Variants in MYH11 observed in about 807,000 individuals in gnomAD.
MYH11 encodes myosin-11.
A neutral mutation model predicts 246.6 loss-of-function variants in MYH11; 80 were observed. The ratio of observed to expected loss-of-function variants is 0.32; its 90% CI spans 0.27 to 0.39. The LOEUF (loss-of-function observed/expected upper bound fraction) is 0.39, where lower values mean the gene tolerates loss of function less well. Among genes scored for constraint, MYH11 ranks in the 10% least tolerant of loss-of-function variants. The pLI is 1.00. For missense variants in MYH11, 2,158 were observed against 2,546.8 expected, an observed-to-expected ratio of 0.85 and a Z score of 3.29; for synonymous variants, 1,071 against 1,015.5, an observed-to-expected ratio of 1.05 and a Z score of -1.04.
intron 40 of MYH11, among the ~76,000 whole-genome samples, chr16:15,712,064 A>C (rs899057672): frequency 6.6e-6 from 1 of 152,050 alleles, no homozygotes; most frequent in East Asian, 1.9e-4. Context: ...GGAGACCAAA[A>C]CGTTAAGAAG....
rs761570770 is a variant in MYH11 at position 15,724,192 on chromosome 16, T to C, written c.4334A>G (p.Asn1445Ser). The change falls in exon 31 of 41, where the codon AAC (asparagine) becomes AGC (serine). Residue 1445 changes from asparagine (N) to serine (S), a missense_variant. Asn to Ser is a conservative substitution (Grantham distance 46). Coordinates refer to ENST00000300036, the MANE Select transcript of MYH11 (RefSeq NM_002474.3). ...AAATTTCCTCTGCTTCTTTTCCAGG[T>C]TGGACACGAGTTGCCGCTGGTTGTC... Reference protein sequence around the residue: ...DLDNQRQLVSNLEKKQRKFDQ... With the variant: ...DLDNQRQLVSSLEKKQRKFDQ... 1.2e-6 allele frequency: 2 copies of C among 1,614,016 alleles called. No individual in the cohort carries two copies. The highest frequency in any genetic ancestry group is 2.2e-5 in the East Asian group (1 of 44,884).
intron 9 of MYH11, among the ~76,000 whole-genome samples, chr16:15,766,083 G>C (rs1192599781): frequency 6.6e-6 from 1 of 152,080 alleles, no homozygotes. Context: ...TGACAGAGTT[G>C]TGACAACCAC....
At chr16:15,741,728 C>A in intron 21 of MYH11, 32 bp downstream of exon 21, 1 of 1,614,138 alleles carries the variant, frequency 6.2e-7, no homozygotes, top group Non-Finnish European at 8.5e-7. Context: ...TCCTGTTCCC[C>A]AGCAACCCCA....
intron 40 of MYH11, among the ~76,000 whole-genome samples, chr16:15,706,943 G>T (rs140581285): frequency 0.025 from 3,850 of 152,252 alleles, 72 homozygotes; most frequent in Non-Finnish European, 0.041. Flanking sequence ...TCTTGGAACT[G>T]GTTTCAAATC....
At chr16:15,786,069 G>T (rs1394972772) in intron 5 of MYH11, 1 of 260,492 alleles carries the variant, frequency 3.8e-6, no homozygotes, top group Non-Finnish European at 7.5e-6. Context: ...GGGACAGGGG[G>T]ACACGTGGAG....
At chr16:15,725,153 A>C (rs1596733637) in intron 28 of MYH11, 161 bp from the exon 29 acceptor site, 1 of 648,730 alleles carries the variant, frequency 1.5e-6, no homozygotes, top group Non-Finnish European at 2.7e-6. Context: ...AAAAAAACAC[A>C]CACACACACA....
At chr16:15,766,408 A>G (rs2041985356) in intron 9 of MYH11, among the ~76,000 whole-genome samples, 1 of 147,302 alleles carries the variant, frequency 6.8e-6, no homozygotes, top group African/African-American at 2.5e-5. Context: ...TCTTGCTGTC[A>G]CCCAGGTTGG....
chr16:15,827,826 G>A (rs2043612691), intron 2 of MYH11, among the ~76,000 whole-genome samples: 1 of 152,208 alleles, frequency 6.6e-6, no homozygotes, highest in Admixed American at 6.5e-5. Context: ...CACTGAGCCA[G>A]GCCAGGGGCT....
intron 31 of MYH11, among the ~76,000 whole-genome samples, chr16:15,722,386 C>T (rs2040533642): frequency 6.6e-6 from 1 of 152,178 alleles, no homozygotes; most frequent in Admixed American, 6.5e-5. Flanking sequence ...GAGAACATTC[C>T]ATGCTCACGT....
At position 15,715,388 on chromosome 16, in the gene MYH11, C is replaced by T. The variant is rs144676288; in HGVS notation, c.5505-116G>A. The T allele has an allele frequency of 1.2e-5, 11 of 889,152 alleles. No homozygotes were observed. In the Admixed American group the frequency reaches 2.1e-4, roughly 17 times the overall value. 55.1% of individuals were successfully genotyped at this position (889,152 alleles called of 1,614,324 possible). On this transcript the variant is annotated intron_variant, in intron 38 of 40. Coordinates refer to ENST00000300036, the MANE Select transcript of MYH11 (RefSeq NM_002474.3). ...TCCTGAGCCCCGTATCTGGACTCCT[C>T]TCAAGAATCAGTCAGATGGTGGAAT... is the stretch of plus-strand genomic sequence containing the variant.
In MYH11 at chr16:15,719,727, C is replaced by G. The variant is rs375979600; in HGVS notation, c.4954-14G>C. 3.3e-4 allele frequency: 532 copies of G among 1,613,982 alleles called. No homozygotes were observed. Among genetic ancestry groups the G allele is most frequent in the Non-Finnish European group, 4.4e-4 (523 of 1,180,044 alleles). ...CTTCATCTGAGCCTGCATGAGTCAA[C>G]AGGGAGGACAAGCTCAGATGTCCTT... On this transcript the variant is annotated splice_polypyrimidine_tract_variant and intron_variant, in intron 34 of 40. Coordinates refer to ENST00000300036, the MANE Select transcript of MYH11 (RefSeq NM_002474.3).
At chr16:15,727,878 G>T (rs945691138) in intron 27 of MYH11, among the ~76,000 whole-genome samples, 2 of 152,122 alleles carry the variant, frequency 1.3e-5, no homozygotes, top group Non-Finnish European at 1.5e-5. Context: ...GAGGCGGATG[G>T]CAGGCTTGCT....
chr16:15,717,786 C>A (rs541549663), intron 37 of MYH11: 64 of 264,354 alleles, frequency 2.4e-4, no homozygotes, highest in Non-Finnish European at 4.2e-4. Context: ...ACAGAGAGAC[C>A]CTGTCTCCAA....
At chr16:15,714,739 C>T in intron 40 of MYH11, 170 bp downstream of exon 40, 1 of 860,488 alleles carries the variant, frequency 1.2e-6, no homozygotes, top group Non-Finnish European at 1.9e-6. Flanking sequence ...GGTCTGATCT[C>T]AGTGCCTGGC....
At chr16:15,807,884 T>C (rs1372738918) in intron 3 of MYH11, among the ~76,000 whole-genome samples, 1 of 152,190 alleles carries the variant, frequency 6.6e-6, no homozygotes, top group African/African-American at 2.4e-5. Flanking sequence ...AGACCAGCTA[T>C]TTCGGCCCAA....
At position 15,782,403 on chromosome 16, in the gene MYH11, G is replaced by A. The variant is rs768328532; in HGVS notation, c.708C>T (p.Asn236=). 5.3e-5 allele frequency: 86 copies of A among 1,613,994 alleles called. No individual in the cohort carries two copies. The East Asian group carries it at 6.2e-4, about 12-fold the overall frequency. ...EAFGNAKTVK[N]DNSSRFGKFI... Reference sequence around the variant, plus strand: ...TACTTACGAATCGTGAGGAGTTGTCGTTCTTCACTGTTTTGGCGTTGCCGA... The same window carrying A: ...TACTTACGAATCGTGAGGAGTTGTCATTCTTCACTGTTTTGGCGTTGCCGA... Residue 236 remains asparagine, a synonymous_variant, in exon 6 of 41, where the codon AAC becomes AAT. Transcript: ENST00000300036.
intron 40 of MYH11, 165 bp downstream of exon 40, chr16:15,714,744 C>T (rs1384692342): frequency 1.1e-6 from 1 of 898,554 alleles, no homozygotes; most frequent in Non-Finnish European, 1.8e-6. Flanking sequence ...GATCTCAGTG[C>T]CTGGCCCACA....
At chr16:15,749,233 T>G (rs1215820894) in intron 16 of MYH11, 1 of 148,582 alleles carries the variant, frequency 6.7e-6, no homozygotes, top group Non-Finnish European at 1.5e-5. Context: ...CACTGCAACC[T>G]CCGCCTCCTG....
At chr16:15,831,361 G>A (rs1357460184) in intron 2 of MYH11, among the ~76,000 whole-genome samples, 1 of 151,896 alleles carries the variant, frequency 6.6e-6, no homozygotes, top group Non-Finnish European at 1.5e-5. Context: ...TTTGAAGTCT[G>A]ACTAGATAGT....
Sources: allele counts gnomAD v4.1 joint callset (sites outside exome capture counted in the v4.1 genomes callset), GRCh38; gene constraint gnomAD v4.1.1; transcripts MANE v1.5; gene names NCBI Gene and HGNC (gene_info 2026-07-23, HGNC 2026-07-21).